The following BLTP1 variants were observed in gnomAD, a reference collection of about 807,000 sequenced individuals.
BLTP1 encodes the protein fragile site-associated protein.
chr4:122,159,717 A>G, the BLTP1 span, among the ~76,000 whole-genome samples: 3 of 152,092 alleles, frequency 2.0e-5, no homozygotes, highest in African/African-American at 7.2e-5. Context: ...TGGCCATCCT[A>G]CTATTTGGAA....
chr4:122,331,379 C>G, the BLTP1 span: 1 of 1,611,826 alleles, frequency 6.2e-7, no homozygotes. Flanking sequence ...CAGCTATTTA[C>G]AGAACGCTGG....
chr4:122,240,077 T>G, the BLTP1 span: 1 of 1,614,186 alleles, frequency 6.2e-7, no homozygotes, highest in Non-Finnish European at 8.5e-7. Flanking sequence ...AGGCTTCATT[T>G]GTTTCTGCGT....
chr4:122,269,612 G>T, the BLTP1 span: 1 of 984,928 alleles, frequency 1.0e-6, no homozygotes, highest in Non-Finnish European at 1.2e-6. Flanking sequence ...ATTAATTTCA[G>T]TATTGTCTGG....
At chr4:122,188,616 T>TTTTTCC in the BLTP1 span, among the ~76,000 whole-genome samples, 1 of 152,114 alleles carries the variant, frequency 6.6e-6, no homozygotes, top group Non-Finnish European at 1.5e-5. Flanking sequence ...CATTTTTTTT[T>TTTTTCC]TTTTCCTTCA....
the BLTP1 span, among the ~76,000 whole-genome samples, chr4:122,242,427 C>T: frequency 6.6e-6 from 1 of 152,074 alleles, no homozygotes; most frequent in Admixed American, 6.6e-5. Context: ...CAAGCTCTTA[C>T]AGATGTAGAG....
the BLTP1 span, chr4:122,207,704 A>C: frequency 1.5e-6 from 2 of 1,312,912 alleles, no homozygotes; most frequent in Admixed American, 1.8e-5. Flanking sequence ...CCCAAAGCTT[A>C]TCTTCACTCT....
the BLTP1 span, chr4:122,207,518 T>C: frequency 1.1e-5 from 16 of 1,470,104 alleles, no homozygotes; most frequent in African/African-American, 2.9e-5. Context: ...TTTCTTCTTT[T>C]TTTTTTTTTT....
the BLTP1 span, chr4:122,344,982 A>G: frequency 9.1e-6 from 9 of 984,940 alleles, no homozygotes; most frequent in South Asian, 4.7e-5. Flanking sequence ...AAACATCTAT[A>G]TAACTATGGG....
chr4:122,226,989 T>C, the BLTP1 span: 1 of 642,436 alleles, frequency 1.6e-6, no homozygotes, highest in Non-Finnish European at 2.3e-6. Context: ...CTTACCCATT[T>C]TAGTTTTAAG....
the BLTP1 span, chr4:122,226,916 C>A: frequency 2.9e-6 from 3 of 1,048,878 alleles, no homozygotes; most frequent in South Asian, 1.9e-5. Context: ...AGCTTCAAGT[C>A]AAATACACAT....
the BLTP1 span, chr4:122,234,815 G>C: frequency 3.7e-6 from 6 of 1,613,368 alleles, no homozygotes; most frequent in South Asian, 6.6e-5. Context: ...AGAATAAGAG[G>C]TGTAGAAACA....
the BLTP1 span, among the ~76,000 whole-genome samples, chr4:122,321,608 A>G: frequency 6.6e-6 from 1 of 152,032 alleles, no homozygotes; most frequent in Non-Finnish European, 1.5e-5. Context: ...ATTTTGAACA[A>G]ACTTACCTGT....
the BLTP1 span, among the ~76,000 whole-genome samples, chr4:122,320,954 A>G: frequency 2.1e-5 from 3 of 142,340 alleles, no homozygotes; most frequent in South Asian, 4.5e-4. Flanking sequence ...TTTTCTTAGC[A>G]TATCAGTTAC....
At chr4:122,353,234 C>T in the BLTP1 span, 1 of 1,546,200 alleles carries the variant, frequency 6.5e-7, no homozygotes, top group South Asian at 1.3e-5. The surrounding 1 kb of genome is among the most constrained non-coding windows in gnomAD (Gnocchi z 4.3). Flanking sequence ...TTCTGAAGTC[C>T]ATCTCTGTTT....
chr4:122,249,026 T>C, the BLTP1 span: 1 of 967,474 alleles, frequency 1.0e-6, no homozygotes, highest in Non-Finnish European at 1.2e-6. Flanking sequence ...AGTGGAACCA[T>C]GACAAGGTCT....
chr4:122,155,571 G>A, the BLTP1 span, among the ~76,000 whole-genome samples: 16 of 152,174 alleles, frequency 1.1e-4, no homozygotes, highest in East Asian at 1.7e-3. Context: ...TGATCCACCC[G>A]CCTCGGCTTC....
chr4:122,349,124 C>A, the BLTP1 span: 4 of 1,556,618 alleles, frequency 2.6e-6, no homozygotes, highest in East Asian at 2.3e-5. The surrounding 1 kb of genome is among the most constrained non-coding windows in gnomAD (Gnocchi z 4.5). Flanking sequence ...ACACTGGAAG[C>A]TATATATATA....
At chr4:122,216,351 A>G in the BLTP1 span, among the ~76,000 whole-genome samples, 1 of 152,150 alleles carries the variant, frequency 6.6e-6, no homozygotes, top group African/African-American at 2.4e-5. Context: ...TCTGTTTTCC[A>G]TAGTGGTTGT....
At chr4:122,334,956 C>G in the BLTP1 span, among the ~76,000 whole-genome samples, 5 of 151,978 alleles carry the variant, frequency 3.3e-5, no homozygotes, top group Non-Finnish European at 7.4e-5. Flanking sequence ...CAACCTCAAC[C>G]ACAGGTTCTG....
Sources: gnomAD v4.1 joint callset for allele counts (sites outside exome capture counted in the v4.1 genomes callset) on GRCh38, gnomAD v4.1.1 for gene constraint, Gnocchi (gnomAD v3.1) non-coding constraint, MANE v1.5 for transcripts, NCBI Gene and HGNC (gene_info 2026-07-23, HGNC 2026-07-21) for gene names.